LIN28B: variants seen among roughly 807,000 people sequenced by gnomAD.
LIN28B encodes the protein lin-28 RNA binding posttranscriptional regulator B, also known as protein lin-28 homolog B.
In LIN28B, 5 loss-of-function variants were observed where a neutral mutation model predicts 21.9. The observed-to-expected ratio is 0.23, with a 90% confidence interval of 0.12 to 0.48. The LOEUF (loss-of-function observed/expected upper bound fraction) is 0.48. LIN28B is among the 20% of genes least tolerant of loss of function. The pLI is 0.98. For synonymous variants in LIN28B, 109 were observed against 111.3 expected (o/e 0.98, Z 0.13); for missense variants, 245 against 310.5 (o/e 0.79, Z 1.58).
At chr6:105,042,683 T>C (rs1771661180) in intron 3 of LIN28B, among the ~76,000 whole-genome samples, 1 of 152,132 alleles carries the variant, frequency 6.6e-6, no homozygotes, top group African/African-American at 2.4e-5. Context: ...ATGTTTTTAG[T>C]TCCAGAGAGC....
chr6:104,975,647 T>C (rs1331949846), intron 2 of LIN28B, among the ~76,000 whole-genome samples: 2 of 150,618 alleles, frequency 1.3e-5, no homozygotes. Flanking sequence ...AGTACTGTGC[T>C]TTTTTTTTCT....
intron 2 of LIN28B, among the ~76,000 whole-genome samples, chr6:105,025,456 G>A (rs1269324010): frequency 1.3e-5 from 2 of 152,102 alleles, no homozygotes; most frequent in Non-Finnish European, 1.5e-5. Flanking sequence ...CAAAAAATCA[G>A]CTATCTTTCA....
In LIN28B at chr6:104,958,145, G is replaced by C. The variant is rs1275508762; in HGVS notation, c.57G>C (p.Glu19Asp). The C allele has an allele frequency of 6.2e-7, 1 of 1,606,426 alleles. No individual in the cohort carries two copies. The highest frequency in any genetic ancestry group is 1.3e-5 in the African/African-American group (1 of 74,794). ...GGGEEPGKLP[E>D]PAEEESQVLR... The stretch of plus-strand genomic sequence containing the variant: ...GAGAAGAGCCCGGGAAGCTGCCGGA[G>C]CCGGCAGAGGAGGAATCCCAGGTTT... The change falls in exon 2 of 4, where the codon GAG (glutamate) becomes GAC (aspartate). Residue 19 changes from glutamate (E) to aspartate (D), a missense_variant. By Grantham distance (45) the Glu-to-Asp change is conservative (BLOSUM62 2). Coordinates refer to ENST00000345080, the MANE Select transcript of LIN28B (RefSeq NM_001004317.4).
intron 2 of LIN28B, among the ~76,000 whole-genome samples, chr6:105,003,419 C>T (rs1161192930): frequency 3.9e-5 from 6 of 152,056 alleles, no homozygotes; most frequent in African/African-American, 7.2e-5. Flanking sequence ...GGTCACTTTA[C>T]GAAGAACTGA....
chr6:104,985,595 T>C (rs1186208522), intron 2 of LIN28B, among the ~76,000 whole-genome samples: 1 of 152,208 alleles, frequency 6.6e-6, no homozygotes, highest in African/African-American at 2.4e-5. Context: ...CATAGTTTCT[T>C]TGGATGAACA....
chr6:104,961,700 T>G (rs1356335527), intron 2 of LIN28B, among the ~76,000 whole-genome samples: 1 of 152,176 alleles, frequency 6.6e-6, no homozygotes, highest in Non-Finnish European at 1.5e-5. Context: ...GCGCCCGGCT[T>G]TAAGTCTAAA....
rs1351332071 is a variant in LIN28B at position 105,081,480 on chromosome 6, C to T, written c.*2697C>T. 2 of 152,584 alleles carry T rather than the reference C, an allele frequency of 1.3e-5. No homozygotes were observed. Among genetic ancestry groups the T allele is most frequent in the Non-Finnish European group, 2.9e-5 (2 of 68,036 alleles). 9.5% of individuals were successfully genotyped at this position (152,584 alleles called of 1,614,324 possible). On this transcript the variant is annotated 3_prime_UTR_variant, in exon 4 of 4. Transcript: ENST00000345080. ...TAGCACACCTGTATGTATGCTGTTC[C>T]AGCCTTACAGGTGGCTGATAATTCT...
chr6:105,035,371 T>C (rs1771502376), intron 3 of LIN28B, among the ~76,000 whole-genome samples: 1 of 152,130 alleles, frequency 6.6e-6, no homozygotes, highest in African/African-American at 2.4e-5. Context: ...TGCTGTTTAG[T>C]AGGTTCCTAT....
intron 3 of LIN28B, among the ~76,000 whole-genome samples, chr6:105,054,236 G>T (rs1441246381): frequency 6.6e-6 from 1 of 152,062 alleles, no homozygotes; most frequent in Non-Finnish European, 1.5e-5. Flanking sequence ...CTGCCATTTT[G>T]CTCTCAGTTT....
chr6:104,957,350 C>CT (rs1778305460), intron 1 of LIN28B, 90 bp downstream of exon 1: 2 of 821,188 alleles, frequency 2.4e-6, no homozygotes, highest in South Asian at 1.7e-5. Flanking sequence ...GACCGTCCCC[C>CT]CCTTCCCCTT....
chr6:105,042,221 G>T (rs1771652829), intron 3 of LIN28B, among the ~76,000 whole-genome samples: 1 of 152,134 alleles, frequency 6.6e-6, no homozygotes, highest in Admixed American at 6.5e-5. Flanking sequence ...TGAATTGGGG[G>T]AAGGGGGTAG....
intron 3 of LIN28B, among the ~76,000 whole-genome samples, chr6:105,059,844 T>C (rs1772092918): frequency 6.6e-6 from 1 of 152,176 alleles, no homozygotes; most frequent in Admixed American, 6.5e-5. Context: ...TCTTTTTTCA[T>C]CCTTACATTC....
chr6:104,966,029 C>T (rs1582868388), intron 2 of LIN28B, among the ~76,000 whole-genome samples: 1 of 152,032 alleles, frequency 6.6e-6, no homozygotes, highest in African/African-American at 2.4e-5. Flanking sequence ...GCCTATAAAT[C>T]GGAGGACAAA....
intron 2 of LIN28B, among the ~76,000 whole-genome samples, chr6:104,970,407 TTTAG>T (rs1353953577): frequency 2.0e-5 from 3 of 152,192 alleles, no homozygotes; most frequent in Non-Finnish European, 2.9e-5. Flanking sequence ...TGACTTCCCT[TTTAG>T]TTAGTCACAG....
chr6:105,001,918 T>TTA (rs1157172448), intron 2 of LIN28B, among the ~76,000 whole-genome samples: 2 of 152,214 alleles, frequency 1.3e-5, no homozygotes, highest in Non-Finnish European at 2.9e-5. Context: ...TGTAGCACAA[T>TTA]TAATGCAGCC....
rs9373783 is a variant in LIN28B, at chr6:104,992,514, G to T, written c.199-33784G>T. Reference sequence around the variant, plus strand: ...TGTGTGTGTGTGTGTGTGTGTGTGTGTTTTTTTTTTAAACAGGGTCTCACT... The same window carrying T: ...TGTGTGTGTGTGTGTGTGTGTGTGTTTTTTTTTTTTAAACAGGGTCTCACT... On this transcript the variant is annotated intron_variant, in intron 2 of 3. Transcript: ENST00000345080. Among the ~76,000 whole-genome samples, 568 of 139,638 alleles carry T rather than the reference G, an allele frequency of 4.1e-3. 4 individuals carry two copies. Among genetic ancestry groups the T allele is most frequent in the African/African-American group, 0.013 (447 of 35,472 alleles). 91.6% of individuals were successfully genotyped at this position (139,638 alleles called of 152,430 possible).
At chr6:104,953,391 G>A (rs1778245088), upstream of LIN28B, among the ~76,000 whole-genome samples, 1 of 152,102 alleles carries the variant, frequency 6.6e-6, no homozygotes, top group African/African-American at 2.4e-5. Flanking sequence ...AGGAGATTCT[G>A]GCATCTCATA....
chr6:104,957,098 G>GA (rs1582862785), upstream of LIN28B: 15 of 1,548,646 alleles, frequency 9.7e-6, no homozygotes, highest in East Asian at 1.2e-4. Context: ...AGAGAGGAGA[G>GA]AAAAAAATCA....
intron 3 of LIN28B, among the ~76,000 whole-genome samples, chr6:105,076,028 TGTG>T (rs1772418237): frequency 6.6e-6 from 1 of 152,208 alleles, no homozygotes; most frequent in South Asian, 2.1e-4. Context: ...TTATAAGTAA[TGTG>T]GTTATATTTT....
Sources: allele counts gnomAD v4.1 joint callset (sites outside exome capture counted in the v4.1 genomes callset), GRCh38; gene constraint gnomAD v4.1.1; transcripts MANE v1.5; gene names NCBI Gene and HGNC (gene_info 2026-07-23, HGNC 2026-07-21).